AHR: variants seen among roughly 807,000 people sequenced by gnomAD.
AHR encodes the protein aryl hydrocarbon receptor.
In AHR, 40 loss-of-function variants were observed where a neutral mutation model predicts 86.8. The observed-to-expected ratio is 0.46, with a 90% CI of 0.36 to 0.60. The LOEUF is 0.60. AHR is among the 20% of genes least tolerant of loss of function. The pLI is 0.00. For missense variants in AHR, 1,001 were observed against 1,011.6 expected, an observed-to-expected ratio of 0.99 and a Z score of 0.14; for synonymous variants, 398 against 354.9, an observed-to-expected ratio of 1.12 and a Z score of -1.37.
At chr7:17,316,808 T>G (rs927502608) in intron 2 of AHR, among the ~76,000 whole-genome samples, 2 of 152,152 alleles carry the variant, frequency 1.3e-5, no homozygotes, top group African/African-American at 4.8e-5. Context: ...TTTCATCTCT[T>G]TATCTCAGCA....
intron 1 of AHR, among the ~76,000 whole-genome samples, chr7:17,308,679 G>A (rs999565315): frequency 6.7e-6 from 1 of 150,288 alleles, no homozygotes; most frequent in African/African-American, 2.5e-5. Context: ...CCTGGAGAAG[G>A]TATCTGTTGA....
At chr7:17,315,020 A>AATTC (rs1206942190) in intron 2 of AHR, among the ~76,000 whole-genome samples, 1 of 152,020 alleles carries the variant, frequency 6.6e-6, no homozygotes, top group Non-Finnish European at 1.5e-5. Flanking sequence ...CTTTTTTCCT[A>AATTC]ATTCACATTT....
At chr7:17,321,053 A>G (rs1782167585) in intron 2 of AHR, among the ~76,000 whole-genome samples, 1 of 152,104 alleles carries the variant, frequency 6.6e-6, no homozygotes, top group Non-Finnish European at 1.5e-5. Context: ...TTATTAGTAA[A>G]TCTCTAGTTT....
At chr7:17,318,205 G>A (rs953083870) in intron 2 of AHR, among the ~76,000 whole-genome samples, 1 of 152,064 alleles carries the variant, frequency 6.6e-6, no homozygotes, top group African/African-American at 2.4e-5. Flanking sequence ...CCACTATTCG[G>A]TATTCCTCAT....
rs1584037940 is a variant in AHR, at chr7:17,327,647, G to C, written c.361-112G>C. On this transcript the variant is annotated intron_variant, in intron 3 of 10. Transcript: ENST00000242057. ...TGTTTTGGCTGTGTTTGTGAAATGT[G>C]ACAATTTTAACTATTTTGAAGAGAA... 1.1e-5 allele frequency: 5 copies of C among 457,840 alleles called. No individual in the cohort carries two copies. The East Asian group carries it at 1.8e-4, about 17-fold the overall frequency. 28.4% of individuals were successfully genotyped at this position (457,840 alleles called of 1,614,324 possible). A position where few individuals can be genotyped will look rare whatever the true frequency, so the allele number is the denominator to read the frequency against.
intron 1 of AHR, among the ~76,000 whole-genome samples, chr7:17,307,684 A>G (rs1782019438): frequency 6.6e-6 from 1 of 152,166 alleles, no homozygotes; most frequent in Admixed American, 6.6e-5. Context: ...CAGAGGAGTG[A>G]CACAGTCAGA....
intron 3 of AHR, among the ~76,000 whole-genome samples, chr7:17,325,703 A>G (rs1023381025): frequency 6.6e-6 from 1 of 152,198 alleles, no homozygotes; most frequent in Non-Finnish European, 1.5e-5. Flanking sequence ...CAGAAAAACC[A>G]AATACCACAT....
chr7:17,340,102 A>G lies in AHR; in HGVS notation c.2277A>G (p.Ile759Met). ...KHGLNPQSAIITPQTCYAGAV... is the reference protein window; with the variant it reads ...KHGLNPQSAIMTPQTCYAGAV... Reference sequence around the variant, plus strand: ...GATTAAATCCACAGTCAGCCATAATAACTCCTCAGACATGTTATGCTGGGG... The same window carrying G: ...GATTAAATCCACAGTCAGCCATAATGACTCCTCAGACATGTTATGCTGGGG... Residue 759 changes from isoleucine to methionine, a missense_variant, in exon 10 of 11, where the codon ATA (isoleucine) becomes ATG (methionine). By Grantham distance (10) the Ile-to-Met change is conservative. This residue lies in a region of AHR where 607 missense variants were observed against 543.1 expected (regional missense o/e 1.12). Transcript: ENST00000242057. 2.5e-6 allele frequency: 4 copies of G among 1,614,182 alleles called. No homozygotes were observed. Among genetic ancestry groups the G allele is most frequent in the Non-Finnish European group, 3.4e-6 (4 of 1,180,030 alleles).
At position 17,339,422 on chromosome 7, in the gene AHR, G is replaced by A; in HGVS notation, c.1597G>A (p.Asp533Asn). Reference sequence around the variant, plus strand: ...TGGAGGTCACCCAGGGCTCTTTCAAGATAGTAAAAACAGTGACTTGTACAG... The same window carrying A: ...TGGAGGTCACCCAGGGCTCTTTCAAAATAGTAAAAACAGTGACTTGTACAG... ...FAGGHPGLFQ[D>N]SKNSDLYSIM... Residue 533 changes from aspartate to asparagine, a missense_variant, in exon 10 of 11, where the codon GAT becomes AAT. Asp to Asn is a conservative substitution (Grantham distance 23, BLOSUM62 1). This residue lies in a region of AHR where 607 missense variants were observed against 543.1 expected (regional missense o/e 1.12). Coordinates refer to ENST00000242057, the MANE Select transcript of AHR (RefSeq NM_001621.5). 1 of 1,614,176 alleles carries A rather than the reference G, an allele frequency of 6.2e-7. No individual in the cohort carries two copies. Among genetic ancestry groups the A allele is most frequent in the Admixed American group, 1.7e-5 (1 of 60,026 alleles).
chr7:17,299,448 A>G (rs1184054970), intron 1 of AHR, 119 bp downstream of exon 1: 19 of 1,163,268 alleles, frequency 1.6e-5, no homozygotes, highest in Non-Finnish European at 2.3e-5. Flanking sequence ...CATTCCCGGC[A>G]CTGCCCGTGG....
At chr7:17,302,998 T>G (rs969250486) in intron 1 of AHR, among the ~76,000 whole-genome samples, 4 of 151,988 alleles carry the variant, frequency 2.6e-5, no homozygotes, top group Non-Finnish European at 4.4e-5. Context: ...GTGAATAAAT[T>G]TACATAGTAC....
intron 10 of AHR, among the ~76,000 whole-genome samples, chr7:17,342,667 C>T (rs191102337): frequency 7.9e-5 from 12 of 152,220 alleles, no homozygotes; most frequent in Non-Finnish European, 1.0e-4. Context: ...GAGACAGCTG[C>T]ATCACTCATC....
intron 1 of AHR, among the ~76,000 whole-genome samples, chr7:17,305,486 A>T (rs1781996134): frequency 6.6e-6 from 1 of 152,134 alleles, no homozygotes. Context: ...GAGTAGCACC[A>T]TAGTGCTGAG....
intron 2 of AHR, among the ~76,000 whole-genome samples, chr7:17,318,213 C>T (rs1398512943): frequency 6.6e-6 from 1 of 152,054 alleles, no homozygotes; most frequent in East Asian, 1.9e-4. Context: ...CGGTATTCCT[C>T]ATGAATTTTT....
chr7:17,334,704 A>G (rs1782336458), intron 7 of AHR, among the ~76,000 whole-genome samples, 183 bp from the exon 8 acceptor site: 1 of 152,050 alleles, frequency 6.6e-6, no homozygotes. Context: ...GAAATTTGCA[A>G]TCATAAGCAA....
In AHR at chr7:17,340,026, G is replaced by A. The variant is rs763009537; in HGVS notation, c.2201G>A (p.Ser734Asn). Residue 734 changes from serine (S) to asparagine (N), a missense_variant, in exon 10 of 11, where the codon AGT becomes AAT. Physicochemically the swap from Ser to Asn is conservative, Grantham distance 46. Around this residue, in one of 2 missense-constraint regions of AHR, gnomAD observed 607 missense variants for 543.1 expected, o/e 1.12. Transcript: ENST00000242057. ...FEPSPYPTTS[S>N]LEDFVTCLQL... ...CCATCCCCATACCCCACTACTTCTA[G>A]TTTAGAAGATTTTGTCACTTGTTTA... 4.3e-6 allele frequency: 7 copies of A among 1,614,158 alleles called. No individual in the cohort carries two copies. The highest frequency in any genetic ancestry group is 5.9e-6 in the Non-Finnish European group (7 of 1,180,018).
Position 17,340,225 on chromosome 7 carries a change from CAAGGT to C in AHR, c.2403+2_2403+6del, listed in dbSNP as rs757984758. 8.1e-6 allele frequency: 13 copies of C among 1,606,476 alleles called. No individual in the cohort carries two copies. Among genetic ancestry groups the C allele is most frequent in the Non-Finnish European group, 3.4e-6 (4 of 1,175,416 alleles). ...TGCCAGGCCAACAGGCATTTTTAAACAAGGTAAGGGTGTTATCAAACTGAATTAAA... is the reference window on the plus strand; with the variant it reads ...TGCCAGGCCAACAGGCATTTTTAAACAAGGGTGTTATCAAACTGAATTAAA... On this transcript the variant is annotated splice_donor_variant and coding_sequence_variant, in exon 10 of 11. Transcript: ENST00000242057.
rs370044719 is a variant in AHR, at chr7:17,339,488, C to T, written c.1663C>T (p.His555Tyr). The T allele has an allele frequency of 5.6e-6, 9 of 1,613,966 alleles. No homozygotes were observed. The highest frequency in any genetic ancestry group is 5.0e-5 in the Admixed American group (3 of 60,000). ...AGGCATTGATTTTGAAGACATCAGACACATGCAGAATGAAAAATTTTTCAG... is the reference window on the plus strand; with the variant it reads ...AGGCATTGATTTTGAAGACATCAGATACATGCAGAATGAAAAATTTTTCAG... ...NLGIDFEDIR[H>Y]MQNEKFFRND... The change falls in exon 10 of 11, where the codon CAC becomes TAC. Residue 555 changes from histidine to tyrosine, a missense_variant. Around this residue, in one of 2 missense-constraint regions of AHR, gnomAD observed 607 missense variants for 543.1 expected, o/e 1.12. Coordinates refer to ENST00000242057, the MANE Select transcript of AHR (RefSeq NM_001621.5).
intron 1 of AHR, among the ~76,000 whole-genome samples, chr7:17,308,126 T>A (rs1456068521): frequency 6.6e-6 from 1 of 152,178 alleles, no homozygotes; most frequent in African/African-American, 2.4e-5. Context: ...GGAGCTTTTG[T>A]ATATTTTGTT....
Sources: gnomAD v4.1 joint callset for allele counts (sites outside exome capture counted in the v4.1 genomes callset) on GRCh38, gnomAD v4.1.1 for gene constraint, gnomAD v4.1.1 regional missense constraint, MANE v1.5 for transcripts, NCBI Gene and HGNC (gene_info 2026-07-23, HGNC 2026-07-21) for gene names.